Variants in TBC1D22A observed in about 807,000 individuals in gnomAD.
The protein encoded by TBC1D22A is TBC1 domain family member 22A, also known as putative GTPase activator.
Under a neutral mutation model 60.2 loss-of-function variants are expected in TBC1D22A, and 38 were observed. The observed-to-expected ratio is 0.63, with a 90% CI of 0.49 to 0.83. TBC1D22A has a LOEUF of 0.83. Among genes scored for constraint, TBC1D22A ranks in the 40% least tolerant of loss-of-function variants. The pLI is 0.00. For missense variants in TBC1D22A, 628 were observed against 701.0 expected (o/e 0.90, Z 1.18); for synonymous variants, 302 against 281.7 (o/e 1.07, Z -0.72).
chr22:47,091,050 GA>G (rs2064932593), intron 11 of TBC1D22A, among the ~76,000 whole-genome samples: 1 of 144,406 alleles, frequency 6.9e-6, no homozygotes, highest in Non-Finnish European at 1.5e-5. Context: ...TCTTTGGGGG[GA>G]GTGGCCTCGC....
At position 46,792,547 on chromosome 22, in the gene TBC1D22A, C is replaced by T. The variant is rs749629711; in HGVS notation, c.90C>T (p.His30=). 1.1e-5 allele frequency: 17 copies of T among 1,614,026 alleles called. No individual in the cohort carries two copies. In the African/African-American group the frequency reaches 1.3e-4, roughly 13 times the overall value. The change falls in exon 2 of 13, where the codon CAC becomes CAT. Residue 30 remains histidine (H), a synonymous_variant. Transcript: ENST00000337137. ...TCCAGCACGTGTATGGTGCCCAGCA[C>T]CCCCCCTTTGATCCACTGTTACATG... The part of the protein sequence containing the change: ...GSIQHVYGAQ[H]PPFDPLLHGT...
At chr22:47,057,680 G>A (rs890917754) in intron 11 of TBC1D22A, among the ~76,000 whole-genome samples, 4 of 152,124 alleles carry the variant, frequency 2.6e-5, no homozygotes, top group East Asian at 1.9e-4. Context: ...GCAGGGAGCC[G>A]CCCTTTATAA....
At position 46,941,782 on chromosome 22, in the gene TBC1D22A, TATATATAGA is replaced by T. The variant is rs201031240; in HGVS notation, c.1015+29611_1015+29619del. Among the ~76,000 whole-genome samples the T allele has an allele frequency of 1.3e-4, 18 of 138,214 alleles. 2 individuals are homozygous for T. The highest frequency in any genetic ancestry group is 5.9e-4 in the East Asian group (3 of 5,128). The allele number at this position is 138,214 out of a possible 152,430, so 90.7% of individuals were successfully genotyped here. A position where few individuals can be genotyped will look rare whatever the true frequency, so the allele number is the denominator to read the frequency against. ...ATATATACGGAATATGTATACGGAA[TATATATAGA>T]ATATATAGAATATATATAGAATATA... On this transcript the variant is annotated intron_variant, in intron 8 of 12. Coordinates refer to ENST00000337137, the MANE Select transcript of TBC1D22A (RefSeq NM_014346.5).
At chr22:46,822,261 T>G (rs2147102024) in intron 4 of TBC1D22A, among the ~76,000 whole-genome samples, 1 of 152,290 alleles carries the variant, frequency 6.6e-6, no homozygotes, top group South Asian at 2.1e-4. Flanking sequence ...TCTGATCTTC[T>G]GTCCAGTTCT....
chr22:46,798,777 G>A (rs971394968), intron 4 of TBC1D22A, among the ~76,000 whole-genome samples: 3 of 152,256 alleles, frequency 2.0e-5, no homozygotes, highest in Non-Finnish European at 4.4e-5. Context: ...GCTTGGCCAG[G>A]AGGTGGCGAG....
chr22:47,122,671 T>A (rs2066310711), intron 12 of TBC1D22A, among the ~76,000 whole-genome samples: 1 of 152,220 alleles, frequency 6.6e-6, no homozygotes, highest in Non-Finnish European at 1.5e-5. Flanking sequence ...CAGGTTCTCT[T>A]GGGCATCTGT....
At chr22:46,788,639 C>T (rs1356518268) in intron 1 of TBC1D22A, among the ~76,000 whole-genome samples, 3 of 152,184 alleles carry the variant, frequency 2.0e-5, no homozygotes, top group East Asian at 1.9e-4. Context: ...GTGCCTGCCT[C>T]GTAGGTCCTT....
In TBC1D22A at chr22:47,061,882, G is replaced by A. The variant is rs148890083; in HGVS notation, c.1329+24684G>A. Among the ~76,000 whole-genome samples, 1,131 of 152,198 alleles carry A rather than the reference G, an allele frequency of 7.4e-3. 12 individuals carry two copies. Among genetic ancestry groups the A allele is most frequent in the African/African-American group, 0.026 (1,097 of 41,514 alleles). On this transcript the variant is annotated intron_variant, in intron 11 of 12. Transcript: ENST00000337137. ...GCCAGCGGATCACTTGAGGTCCAGA[G>A]TTCGAGACCAGCCTGGCCAACATGG...
intron 2 of TBC1D22A, 141 bp from the exon 3 acceptor site, chr22:46,793,359 AT>A (rs1217453094): frequency 4.0e-5 from 32 of 807,484 alleles, no homozygotes; most frequent in Non-Finnish European, 5.3e-5. Context: ...GTCTCTGTGA[AT>A]TGTGTTTGCT....
chr22:47,108,083 TG>T lies in TBC1D22A; in HGVS notation c.1330-3421del, dbSNP rs2065702176. 2.0e-5 allele frequency among the ~76,000 whole-genome samples: 3 copies of T among 152,194 alleles called. No homozygotes were observed. In the South Asian group the frequency reaches 6.2e-4, roughly 32 times the overall value. ...ATTAAGAGGACGAAAAGAGGAGGCATGGGGAGAAAACATTTGCAAAGCATGT... is the reference window on the plus strand; with the variant it reads ...ATTAAGAGGACGAAAAGAGGAGGCATGGGAGAAAACATTTGCAAAGCATGT... On this transcript the variant is annotated intron_variant, in intron 11 of 12. Transcript: ENST00000337137.
chr22:46,974,461 G>A, intron 9 of TBC1D22A, 62 bp downstream of exon 9: 7 of 1,376,964 alleles, frequency 5.1e-6, no homozygotes, highest in Non-Finnish European at 5.0e-6. Context: ...AAGAGAGCCT[G>A]AGGCCTTAGG....
At chr22:46,771,263 A>G (rs1387478912) in intron 1 of TBC1D22A, among the ~76,000 whole-genome samples, 1 of 152,188 alleles carries the variant, frequency 6.6e-6, no homozygotes, top group Non-Finnish European at 1.5e-5. Context: ...TTGAGGAACC[A>G]TGGGATTCCT....
At chr22:47,002,903 C>T (rs1445053237) in intron 10 of TBC1D22A, among the ~76,000 whole-genome samples, 1 of 152,152 alleles carries the variant, frequency 6.6e-6, no homozygotes, top group Non-Finnish European at 1.5e-5. Flanking sequence ...GAGCAGCAGC[C>T]CAGAGGCCTT....
At chr22:47,149,117 G>A (rs531233302) in intron 12 of TBC1D22A, among the ~76,000 whole-genome samples, 192 of 152,274 alleles carry the variant, frequency 1.3e-3, no homozygotes, top group Middle Eastern at 0.01. Context: ...ATTGGTGCCC[G>A]TTGTTGGTCC....
chr22:47,047,214 C>T lies in TBC1D22A; in HGVS notation c.1329+10016C>T, dbSNP rs560144524. Among the ~76,000 whole-genome samples the T allele has an allele frequency of 3.9e-5, 6 of 152,274 alleles. No individual in the cohort carries two copies. In the South Asian group the frequency reaches 1.2e-3, roughly 32 times the overall value. The stretch of plus-strand genomic sequence containing the variant: ...CAATTCTGTGATATACCAAGGCCAG[C>T]CCTACCCTCTTGCTAGAAATGCATG... On this transcript the variant is annotated intron_variant, in intron 11 of 12. Coordinates refer to ENST00000337137, the MANE Select transcript of TBC1D22A (RefSeq NM_014346.5).
chr22:47,001,437 T>A, intron 10 of TBC1D22A, among the ~76,000 whole-genome samples: 1 of 139,156 alleles, frequency 7.2e-6, no homozygotes. Flanking sequence ...AGAGTGAAAC[T>A]CTATCTCAAA....
intron 12 of TBC1D22A, among the ~76,000 whole-genome samples, chr22:47,146,182 A>G (rs977205161): frequency 6.6e-6 from 1 of 151,944 alleles, no homozygotes; most frequent in African/African-American, 2.4e-5. Flanking sequence ...CGGCGCGGGG[A>G]CGCACTGGAT....
intron 12 of TBC1D22A, among the ~76,000 whole-genome samples, chr22:47,146,692 A>G (rs1335597914): frequency 2.6e-5 from 4 of 152,164 alleles, no homozygotes; most frequent in African/African-American, 9.7e-5. Context: ...TATGTGGTCC[A>G]TGACTCGGTG....
At chr22:46,912,279 A>G (rs2069986660) in intron 8 of TBC1D22A, 91 bp downstream of exon 8, 3 of 919,824 alleles carry the variant, frequency 3.3e-6, no homozygotes, top group Non-Finnish European at 3.4e-6. Context: ...AATTGCTACT[A>G]AGTGTAATGT....
Sources: allele counts gnomAD v4.1 joint callset (sites outside exome capture counted in the v4.1 genomes callset), GRCh38; gene constraint gnomAD v4.1.1; transcripts MANE v1.5; gene names NCBI Gene and HGNC (gene_info 2026-07-23, HGNC 2026-07-21).